Variants in SNX29 observed in about 807,000 individuals in gnomAD.
SNX29 encodes the protein sorting nexin 29, also known as sorting nexin-29.
SNX29 carries 78 observed loss-of-function variants against 102.1 expected under a neutral mutation model. That is an observed-to-expected ratio of 0.76 (90% CI 0.64 to 0.92). The LOEUF (loss-of-function observed/expected upper bound fraction) is 0.92. Among genes scored for constraint, SNX29 ranks in the 40% least tolerant of loss-of-function variants. The pLI, the probability that SNX29 is intolerant of heterozygous loss-of-function variation, is 0.00. For missense variants in SNX29, 1,280 were observed against 1,061.7 expected (o/e 1.21, Z -2.86); for synonymous variants, 580 against 414.5 (o/e 1.40, Z -4.85).
rs574090459 is a variant in SNX29, at chr16:12,483,114, G to GTTTTTTTTTTTTTTT, written c.2178+5270_2178+5284dup. 5.3e-4 allele frequency among the ~76,000 whole-genome samples: 35 copies of GTTTTTTTTTTTTTTT among 66,214 alleles called. 6 individuals carry two copies. The highest frequency in any genetic ancestry group is 2.1e-3 in the East Asian group (5 of 2,380). The allele number at this position is 66,214 out of a possible 152,430, so 43.4% of individuals were successfully genotyped here. On this transcript the variant is annotated intron_variant, in intron 19 of 20. Coordinates refer to ENST00000566228, the MANE Select transcript of SNX29 (RefSeq NM_032167.5). ...AATAGATACATATTGAAGTTATTAA[G>GTTTTTTTTTTTTTTT]TTTTTTTTTTTTTTTTTTTTTTTTT...
chr16:12,563,157 G>C (rs2078827501), intron 20 of SNX29, among the ~76,000 whole-genome samples: 1 of 151,722 alleles, frequency 6.6e-6, no homozygotes, highest in Non-Finnish European at 1.5e-5. Flanking sequence ...GCTCCAGGGG[G>C]GGCAACTCTG....
At chr16:11,986,007 G>A (rs1361153400) in intron 1 of SNX29, among the ~76,000 whole-genome samples, 1 of 151,934 alleles carries the variant, frequency 6.6e-6, no homozygotes, top group Admixed American at 6.6e-5. Context: ...GTTTCACCAT[G>A]TTGGCTAGAC....
At chr16:12,519,456 A>G (rs75245594) in intron 19 of SNX29, among the ~76,000 whole-genome samples, 5,602 of 152,336 alleles carry the variant, frequency 0.037, 363 homozygotes, top group African/African-American at 0.13. Flanking sequence ...GATAACACCA[A>G]TGACTCATCA....
chr16:12,381,006 A>G (rs1597159583), intron 16 of SNX29, among the ~76,000 whole-genome samples: 1 of 68,464 alleles, frequency 1.5e-5, no homozygotes, highest in African/African-American at 6.2e-5. Context: ...CCCACCATCC[A>G]TCCACCCACC....
chr16:12,407,741 C>G (rs1039083932), intron 18 of SNX29, among the ~76,000 whole-genome samples: 1 of 152,178 alleles, frequency 6.6e-6, no homozygotes, highest in Non-Finnish European at 1.5e-5. Context: ...TGTTTTTCAG[C>G]CCCCAAAGCA....
At chr16:12,464,704 C>G (rs1401191760) in intron 18 of SNX29, among the ~76,000 whole-genome samples, 1 of 152,220 alleles carries the variant, frequency 6.6e-6, no homozygotes, top group Non-Finnish European at 1.5e-5. Context: ...ATCCTCCCAC[C>G]TCAGCCTCCG....
At chr16:12,123,103 G>C (rs530431690) in intron 11 of SNX29, among the ~76,000 whole-genome samples, 2 of 152,298 alleles carry the variant, frequency 1.3e-5, no homozygotes, top group Admixed American at 6.5e-5. Flanking sequence ...TGGGATTACA[G>C]GCATGAGCCA....
chr16:12,403,720 C>T (rs541965118), intron 18 of SNX29, among the ~76,000 whole-genome samples, 191 bp downstream of exon 18: 5 of 152,230 alleles, frequency 3.3e-5, no homozygotes, highest in African/African-American at 9.6e-5. Context: ...CAGGGGGATA[C>T]GGTGGGCCTC....
At chr16:12,414,716 T>G (rs955455587) in intron 18 of SNX29, among the ~76,000 whole-genome samples, 7 of 148,924 alleles carry the variant, frequency 4.7e-5, no homozygotes, top group Non-Finnish European at 1.0e-4. Flanking sequence ...TTTGTTTATT[T>G]GTTGGTATGT....
intron 15 of SNX29, among the ~76,000 whole-genome samples, chr16:12,338,468 C>A (rs1038091692): frequency 1.3e-5 from 2 of 152,190 alleles, no homozygotes; most frequent in African/African-American, 4.8e-5. Context: ...AGGTTCTCAC[C>A]GTGCATCAGG....
Position 12,572,145 on chromosome 16 carries a change from T to C in SNX29, c.*3516T>C. 2.0e-6 allele frequency: 2 copies of C among 988,506 alleles called. No homozygotes were observed. Among genetic ancestry groups the C allele is most frequent in the Non-Finnish European group, 2.5e-6 (2 of 809,904 alleles). 61.2% of individuals were successfully genotyped at this position (988,506 alleles called of 1,614,324 possible). A position where few individuals can be genotyped will look rare whatever the true frequency, so the allele number is the denominator to read the frequency against. ...TGGCCCTGCTTCATACTTTGGAGCTTATTAAGATCAATTTTGATAACCATG... is the reference window on the plus strand; with the variant it reads ...TGGCCCTGCTTCATACTTTGGAGCTCATTAAGATCAATTTTGATAACCATG... On this transcript the variant is annotated 3_prime_UTR_variant, in exon 21 of 21. Coordinates refer to ENST00000566228, the MANE Select transcript of SNX29 (RefSeq NM_032167.5).
chr16:12,072,222 G>C (rs2051332794), intron 10 of SNX29, among the ~76,000 whole-genome samples: 1 of 152,212 alleles, frequency 6.6e-6, no homozygotes, highest in Non-Finnish European at 1.5e-5. Flanking sequence ...GGAGTTGTGA[G>C]AGAAGGCATC....
intron 3 of SNX29, among the ~76,000 whole-genome samples, chr16:12,020,471 G>C (rs2056984890): frequency 6.6e-6 from 1 of 151,896 alleles, no homozygotes; most frequent in Non-Finnish European, 1.5e-5. Flanking sequence ...CAAATTGCTG[G>C]GATTGCAGGT....
intron 19 of SNX29, chr16:12,515,434 G>A (rs182818569): frequency 4.1e-5 from 19 of 459,346 alleles, no homozygotes; most frequent in Admixed American, 1.7e-4. Context: ...CACCCCATCC[G>A]CAAGTCACCC....
intron 20 of SNX29, among the ~76,000 whole-genome samples, chr16:12,541,941 A>G (rs1254382207): frequency 6.6e-6 from 1 of 152,196 alleles, no homozygotes; most frequent in Non-Finnish European, 1.5e-5. Context: ...TCCTGGGCCC[A>G]CACAAGAGGA....
At chr16:12,366,265 C>T (rs1371336100) in intron 16 of SNX29, among the ~76,000 whole-genome samples, 1 of 152,130 alleles carries the variant, frequency 6.6e-6, no homozygotes, top group Non-Finnish European at 1.5e-5. Flanking sequence ...GGGCTAGGTA[C>T]AGCAGCATTT....
In SNX29 at chr16:12,570,124, C is replaced by A; in HGVS notation, c.*1495C>A. 2 of 1,038,468 alleles carry A rather than the reference C, an allele frequency of 1.9e-6. No homozygotes were observed. The highest frequency in any genetic ancestry group is 2.3e-6 in the Non-Finnish European group (2 of 855,178). 64.3% of individuals were successfully genotyped at this position (1,038,468 alleles called of 1,614,324 possible). Reference sequence around the variant, plus strand: ...TAGCAAAAAGGAAGATTGTTCATGGCCTTTAAGGAAGGCTGAGATCACTCA... The same window carrying A: ...TAGCAAAAAGGAAGATTGTTCATGGACTTTAAGGAAGGCTGAGATCACTCA... On this transcript the variant is annotated 3_prime_UTR_variant, in exon 21 of 21. Coordinates refer to ENST00000566228, the MANE Select transcript of SNX29 (RefSeq NM_032167.5).
At chr16:12,543,688 G>A (rs144730933) in intron 20 of SNX29, among the ~76,000 whole-genome samples, 94 of 152,348 alleles carry the variant, frequency 6.2e-4, no homozygotes, top group Admixed American at 1.8e-3. Context: ...CAAGCCAGTC[G>A]TATCAGAAAA....
intron 15 of SNX29, among the ~76,000 whole-genome samples, chr16:12,318,589 C>A (rs944231001): frequency 2.6e-5 from 4 of 152,170 alleles, no homozygotes; most frequent in Admixed American, 2.6e-4. Context: ...TTTAGGGCTC[C>A]TGGCTGGACG....
Sources: gnomAD v4.1 joint callset for allele counts (sites outside exome capture counted in the v4.1 genomes callset) on GRCh38, gnomAD v4.1.1 for gene constraint, MANE v1.5 for transcripts, NCBI Gene and HGNC (gene_info 2026-07-23, HGNC 2026-07-21) for gene names.